The following NTRK1 variants were observed in gnomAD, a reference collection of about 807,000 sequenced individuals.
The protein encoded by NTRK1 is neurotrophic receptor tyrosine kinase 1.
A neutral mutation model predicts 86.8 loss-of-function variants in NTRK1; 62 were observed. That is an observed-to-expected ratio of 0.71 (90% CI 0.58 to 0.88). The LOEUF (loss-of-function observed/expected upper bound fraction) is 0.88, where lower values mean the gene tolerates loss of function less well. Ranked by LOEUF, NTRK1 falls within the 40% of genes least tolerant of loss-of-function variation. The pLI, the probability that NTRK1 is intolerant of heterozygous loss-of-function variation, is 0.00. For missense variants in NTRK1, 967 were observed against 1,078.4 expected, an observed-to-expected ratio of 0.90 and a Z score of 1.45; for synonymous variants, 469 against 456.6, an observed-to-expected ratio of 1.03 and a Z score of -0.35.
chr1:156,842,000 T>G lies in NTRK1; in HGVS notation c.-63-81T>G. ...ACTAAGATACAGGGTGGGGGTGACT[T>G]GCCAAGGGTCTCACAGGCTGTCAGG... On this transcript the variant is annotated intron_variant, in intron 1 of 16. Coordinates refer to the NTRK1 transcript ENST00000392302. 3.2e-6 allele frequency: 5 copies of G among 1,576,158 alleles called. No homozygotes were observed. In the South Asian group the frequency reaches 5.7e-5, roughly 18 times the overall value.
chr1:156,843,318 G>T, intron 2 of NTRK1: 1 of 1,561,128 alleles, frequency 6.4e-7, no homozygotes, highest in African/African-American at 1.4e-5. Context: ...TCTTCTGAAG[G>T]GCTCTTGTCC....
At chr1:156,842,958 C>G in intron 2 of NTRK1, 1 of 1,460,784 alleles carries the variant, frequency 6.8e-7, no homozygotes, top group South Asian at 1.2e-5. Flanking sequence ...ACCACATGAC[C>G]TTTACACTAA....
At chr1:156,838,432 G>A (rs565590474) in intron 1 of NTRK1, among the ~76,000 whole-genome samples, 4 of 151,676 alleles carry the variant, frequency 2.6e-5, no homozygotes, top group African/African-American at 9.7e-5. Context: ...GGACCAAGAC[G>A]GGTGTTTCTG....
At position 156,841,096 on chromosome 1, in the gene NTRK1, A is replaced by G. The variant is rs544015279; in HGVS notation, c.-63-985A>G. The G allele has an allele frequency of 1.9e-5, 30 of 1,560,224 alleles. No homozygotes were observed. In the South Asian group the frequency reaches 3.3e-4, roughly 17 times the overall value. On this transcript the variant is annotated intron_variant, in intron 1 of 16. Coordinates refer to the NTRK1 transcript ENST00000392302. ...GTTCGGCTGCCAGCAGCGGCTCATCAGCTCCTGCCTGGTGGGTGTGGGGAG... is the reference window on the plus strand; with the variant it reads ...GTTCGGCTGCCAGCAGCGGCTCATCGGCTCCTGCCTGGTGGGTGTGGGGAG...
chr1:156,845,223 C>T (rs747196691), intron 2 of NTRK1: 2 of 1,609,962 alleles, frequency 1.2e-6, no homozygotes, highest in Non-Finnish European at 1.7e-6. Flanking sequence ...ACCTTGTCCT[C>T]CTGGATCTCG....
intron 3 of NTRK1, among the ~76,000 whole-genome samples, chr1:156,865,261 G>A (rs887112286): frequency 1.3e-5 from 2 of 152,084 alleles, no homozygotes; most frequent in Admixed American, 6.5e-5. Flanking sequence ...GTAGAGCAGT[G>A]GACCCCAACT....
At chr1:156,845,578 C>G (rs368132912) in intron 2 of NTRK1, 43 of 1,535,566 alleles carry the variant, frequency 2.8e-5, no homozygotes, top group Non-Finnish European at 2.5e-5. Context: ...CTCACAGGCC[C>G]CACTCATCAG....
chr1:156,845,776 C>A lies in NTRK1; in HGVS notation c.50+3583C>A, dbSNP rs548347934. 3.9e-4 allele frequency: 635 copies of A among 1,613,240 alleles called. 4 individuals are homozygous for A. In the South Asian group the frequency reaches 6.8e-3, roughly 17 times the overall value. On this transcript the variant is annotated intron_variant, in intron 2 of 16. Coordinates refer to the NTRK1 transcript ENST00000392302. ...GCCTCAGGATCCCCGTCTTCGCCGT[C>A]GAAGCGCGGATCGTTGTTGCTGGTG...
intron 2 of NTRK1, chr1:156,849,053 T>C (rs758843943): frequency 2.5e-6 from 4 of 1,611,792 alleles, no homozygotes; most frequent in Non-Finnish European, 3.4e-6. Flanking sequence ...CTGGCCTGGG[T>C]GGGGCGAGGG....
chr1:156,868,753 A>G (rs1647337413), intron 6 of NTRK1, 106 bp downstream of exon 6: 1 of 1,476,066 alleles, frequency 6.8e-7, no homozygotes, highest in East Asian at 2.5e-5. Context: ...ACGAATAAGG[A>G]GCACACTGAG....
At chr1:156,846,156 G>T in intron 2 of NTRK1, 1 of 1,538,266 alleles carries the variant, frequency 6.5e-7, no homozygotes, top group Non-Finnish European at 8.7e-7. Flanking sequence ...AGGGGTGTGG[G>T]TCTTCCTCCT....
At chr1:156,815,875 G>A (rs2102821301) in intron 1 of NTRK1, 2 of 1,614,080 alleles carry the variant, frequency 1.2e-6, no homozygotes, top group Middle Eastern at 1.6e-4. Context: ...CTGTGCCCCA[G>A]CCCGTTGGCA....
chr1:156,846,862 A>T (rs751673961), intron 2 of NTRK1: 2 of 935,768 alleles, frequency 2.1e-6, no homozygotes, highest in Non-Finnish European at 3.4e-6. Flanking sequence ...TCCAGTATGC[A>T]TGAGGGCAAA....
At chr1:156,841,324 A>G in intron 1 of NTRK1, 1 of 1,417,508 alleles carries the variant, frequency 7.1e-7, no homozygotes, top group East Asian at 2.4e-5. Context: ...GTGAGCCAGA[A>G]TCATGGGGCC....
chr1:156,860,931 C>A lies in NTRK1; in HGVS notation c.-4C>A, dbSNP rs992686103. ...CCCGCCTGAGCGAGGCGGGCGCCGC[C>A]GCGATGCTGCGAGGCGGACGGCGCG... is the stretch of plus-strand genomic sequence containing the variant. On this transcript the variant is annotated 5_prime_UTR_variant, in exon 1 of 17. Transcript: ENST00000524377. 1.4e-6 allele frequency: 2 copies of A among 1,456,084 alleles called. No homozygotes were observed. Among genetic ancestry groups the A allele is most frequent in the Admixed American group, 2.6e-5 (1 of 38,456 alleles). 90.2% of individuals were successfully genotyped at this position (1,456,084 alleles called of 1,614,324 possible).
chr1:156,848,830 T>C, intron 2 of NTRK1: 5 of 1,459,578 alleles, frequency 3.4e-6, no homozygotes, highest in Non-Finnish European at 4.6e-6. Flanking sequence ...CTTCATAGCC[T>C]CGCTGAGCTC....
At chr1:156,848,879 G>A (rs181620408) in intron 2 of NTRK1, 1 of 1,541,774 alleles carries the variant, frequency 6.5e-7, no homozygotes, top group Non-Finnish European at 8.8e-7. Flanking sequence ...AATTGGCCTC[G>A]TCCGGTCCCG....
rs1207747148 is a variant in NTRK1, at chr1:156,876,093, C to T, written c.1515C>T (p.Ile505=). 2.5e-6 allele frequency: 4 copies of T among 1,614,096 alleles called. No individual in the cohort carries two copies. In the African/African-American group the frequency reaches 5.3e-5, roughly 22 times the overall value. Residue 505 remains isoleucine, a synonymous_variant, in exon 13 of 17, where the codon ATC becomes ATT. Transcript: ENST00000524377. The part of the protein sequence containing the change: ...QYFSDACVHH[I]KRRDIVLKWE... ...AAGCCCCCTCAGGTGTTCACCACAT[C>T]AAGCGCCGGGACATCGTGCTCAAGT...
At chr1:156,851,279 C>T (rs1260664154) in intron 2 of NTRK1, 1 of 1,614,116 alleles carries the variant, frequency 6.2e-7, no homozygotes, top group South Asian at 1.1e-5. Context: ...GGTCAGAGGC[C>T]TAACCCTTAC....
Sources: gnomAD v4.1 joint callset for allele counts (sites outside exome capture counted in the v4.1 genomes callset) on GRCh38, gnomAD v4.1.1 for gene constraint, MANE v1.5 for transcripts, NCBI Gene and HGNC (gene_info 2026-07-23, HGNC 2026-07-21) for gene names.